Variants in CCDC192 observed in about 807,000 individuals in gnomAD.
The protein encoded by CCDC192 is coiled-coil domain-containing protein 192.
At chr5:127,728,645 G>A (rs774711825) in intron 2 of CCDC192, among the ~76,000 whole-genome samples, 1 of 152,136 alleles carries the variant, frequency 6.6e-6, no homozygotes, top group South Asian at 2.1e-4. Flanking sequence ...TAACAAGTCT[G>A]CAAAATAACC....
intron 5 of CCDC192, among the ~76,000 whole-genome samples, chr5:127,871,521 C>T (rs1344971319): frequency 6.6e-6 from 1 of 152,192 alleles, no homozygotes; most frequent in African/African-American, 2.4e-5. Context: ...GACATAACTA[C>T]TACACGGCAT....
chr5:127,786,380 T>A lies in CCDC192; in HGVS notation c.223-10723T>A, dbSNP rs924027351. ...ATTCAAAGGATTCTTTATACACTGT[T>A]AATGTAGGGCCCTTTGCAAATGCAT... On this transcript the variant is annotated intron_variant, in intron 3 of 6. Transcript: ENST00000514853. 1.1e-5 allele frequency: 7 copies of A among 634,298 alleles called. No homozygotes were observed. In the African/African-American group the frequency reaches 1.3e-4, roughly 12 times the overall value. The allele number at this position is 634,298 out of a possible 1,614,324, so 39.3% of individuals were successfully genotyped here. A position where few individuals can be genotyped will look rare whatever the true frequency, so the allele number is the denominator to read the frequency against.
At chr5:127,826,165 G>A (rs1205772938) in intron 5 of CCDC192, among the ~76,000 whole-genome samples, 1 of 152,042 alleles carries the variant, frequency 6.6e-6, no homozygotes, top group Non-Finnish European at 1.5e-5. Flanking sequence ...CAGAGAGATG[G>A]ATTAGAACCA....
At chr5:127,911,137 A>C (rs531007498) in intron 6 of CCDC192, among the ~76,000 whole-genome samples, 18 of 152,194 alleles carry the variant, frequency 1.2e-4, no homozygotes, top group Non-Finnish European at 1.9e-4. Context: ...CGCTTTCTTT[A>C]ATTTCACAAG....
At chr5:127,835,992 A>G (rs1160149371) in intron 5 of CCDC192, among the ~76,000 whole-genome samples, 1 of 152,162 alleles carries the variant, frequency 6.6e-6, no homozygotes, top group Non-Finnish European at 1.5e-5. Flanking sequence ...TTCAGCACTA[A>G]GTCAAAAGTC....
At chr5:127,913,666 T>A (rs1753438349) in intron 6 of CCDC192, among the ~76,000 whole-genome samples, 1 of 152,228 alleles carries the variant, frequency 6.6e-6, no homozygotes, top group Non-Finnish European at 1.5e-5. Context: ...AGAAGAATTT[T>A]CTCCTGGACA....
At chr5:127,739,293 A>G (rs1380586640) in intron 2 of CCDC192, among the ~76,000 whole-genome samples, 1 of 152,176 alleles carries the variant, frequency 6.6e-6, no homozygotes, top group East Asian at 1.9e-4. Context: ...CCGTTCTCAG[A>G]TCTCCAGCTG....
chr5:127,868,166 C>A (rs1385408057), intron 5 of CCDC192, among the ~76,000 whole-genome samples: 1 of 151,934 alleles, frequency 6.6e-6, no homozygotes, highest in South Asian at 2.1e-4. Flanking sequence ...AGGCTGCCTG[C>A]CAAAAAGTCC....
At position 127,941,041 on chromosome 5, in the gene CCDC192, TCAGGGTATCTAACCAGATGATG is replaced by T; in HGVS notation, c.536-138_536-117del. ...CTCTCACTGGATCCAGATTTTATTC[TCAGGGTATCTAACCAGATGATG>T]CAACATCTGTGCTCTCTTTTAAGAA... On this transcript the variant is annotated intron_variant, in intron 6 of 6. Transcript: ENST00000514853. 1.0e-5 allele frequency: 4 copies of T among 396,692 alleles called. No homozygotes were observed. The East Asian group carries it at 1.1e-4, about 11-fold the overall frequency. 24.6% of individuals were successfully genotyped at this position (396,692 alleles called of 1,614,324 possible). A position where few individuals can be genotyped will look rare whatever the true frequency, so the allele number is the denominator to read the frequency against.
intron 6 of CCDC192, among the ~76,000 whole-genome samples, chr5:127,888,911 AAGAG>A (rs1408583005): frequency 6.6e-6 from 1 of 152,218 alleles, no homozygotes; most frequent in African/African-American, 2.4e-5. Flanking sequence ...TGTAAGTCCC[AAGAG>A]AGAGTCAATA....
intron 2 of CCDC192, among the ~76,000 whole-genome samples, chr5:127,708,458 A>G (rs1263668359): frequency 2.0e-5 from 3 of 152,184 alleles, no homozygotes; most frequent in Non-Finnish European, 4.4e-5. Flanking sequence ...TTAGCTATCT[A>G]TATTTCCCTC....
At chr5:127,837,092 CAG>C (rs1353273066) in intron 5 of CCDC192, among the ~76,000 whole-genome samples, 1 of 81,692 alleles carries the variant, frequency 1.2e-5, no homozygotes, top group Non-Finnish European at 2.9e-5. Context: ...ATCTCTAGGA[CAG>C]GGGTAAAATG....
intron 1 of CCDC192, among the ~76,000 whole-genome samples, chr5:127,704,679 G>A (rs1580499384): frequency 6.6e-6 from 1 of 152,092 alleles, no homozygotes; most frequent in South Asian, 2.1e-4. Flanking sequence ...ATGGGAGGGA[G>A]TAAGGCTTTA....
intron 6 of CCDC192, among the ~76,000 whole-genome samples, chr5:127,898,646 G>A (rs953798018): frequency 1.3e-5 from 2 of 152,052 alleles, no homozygotes; most frequent in Non-Finnish European, 2.9e-5. Context: ...ATGCAAGAAG[G>A]TTTTTTGACT....
chr5:127,858,156 T>C (rs906139926), intron 5 of CCDC192, among the ~76,000 whole-genome samples: 9 of 152,142 alleles, frequency 5.9e-5, no homozygotes, highest in African/African-American at 1.9e-4. Context: ...CCACTACAAA[T>C]ATTAATATTA....
intron 6 of CCDC192, among the ~76,000 whole-genome samples, chr5:127,887,618 T>G (rs534846760): frequency 3.3e-5 from 5 of 152,266 alleles, no homozygotes; most frequent in African/African-American, 1.2e-4. Context: ...TTTTATTTCA[T>G]TTTTGTAAGG....
chr5:127,712,492 A>G (rs554050906), intron 2 of CCDC192, among the ~76,000 whole-genome samples: 19 of 152,274 alleles, frequency 1.2e-4, no homozygotes, highest in African/African-American at 4.1e-4. Flanking sequence ...TTCCACCATT[A>G]GTGGAAGCAG....
intron 4 of CCDC192, among the ~76,000 whole-genome samples, chr5:127,797,754 TATATATATATATATATA>T (rs372597811): frequency 0.56 from 76,890 of 138,018 alleles, 23,431 homozygotes; most frequent in Non-Finnish European, 0.67. Context: ...TATATATATA[TATATATATATATATATA>T]TATATATTTA....
At chr5:127,799,818 A>G (rs1029151328) in intron 5 of CCDC192, among the ~76,000 whole-genome samples, 1 of 152,162 alleles carries the variant, frequency 6.6e-6, no homozygotes, top group African/African-American at 2.4e-5. Context: ...GAGATTTCTC[A>G]TATGTAATTG....
Sources: allele counts gnomAD v4.1 joint callset (sites outside exome capture counted in the v4.1 genomes callset), GRCh38; gene constraint gnomAD v4.1.1; transcripts MANE v1.5; gene names NCBI Gene and HGNC (gene_info 2026-07-23, HGNC 2026-07-21).